The following SDC4 variants were observed in gnomAD, a reference collection of about 807,000 sequenced individuals.
SDC4 encodes syndecan 4.
Under a neutral mutation model 20.5 loss-of-function variants are expected in SDC4, and 17 were observed. That is an observed-to-expected ratio of 0.83 (90% CI 0.57 to 1.25). The LOEUF (loss-of-function observed/expected upper bound fraction) is 1.25. Among genes scored for constraint, SDC4 ranks in the 50% most tolerant of loss-of-function variants. The pLI, the probability that SDC4 is intolerant of heterozygous loss-of-function variation, is 0.00. For missense variants in SDC4, 241 were observed against 252.3 expected, an observed-to-expected ratio of 0.96 and a Z score of 0.30; for synonymous variants, 107 against 105.3, an observed-to-expected ratio of 1.02 and a Z score of -0.10.
At chr20:45,347,422 C>G (rs1178387412) in intron 1 of SDC4, among the ~76,000 whole-genome samples, 1 of 152,118 alleles carries the variant, frequency 6.6e-6, no homozygotes, top group Non-Finnish European at 1.5e-5. Flanking sequence ...CCTAAGCCGG[C>G]TGCGGGCATG....
chr20:45,336,224 C>A (rs1391053531), intron 1 of SDC4, among the ~76,000 whole-genome samples: 1 of 152,166 alleles, frequency 6.6e-6, no homozygotes, highest in African/African-American at 2.4e-5. Context: ...ACCAGCCTGG[C>A]CAACATGGTG....
chr20:45,337,489 G>T (rs78905632), intron 1 of SDC4, among the ~76,000 whole-genome samples: 1,956 of 152,294 alleles, frequency 0.013, 45 homozygotes, highest in African/African-American at 0.045. Flanking sequence ...GCAGGGACTT[G>T]CCCAAGGTCA....
chr20:45,329,763 A>G (rs572534740), intron 4 of SDC4, among the ~76,000 whole-genome samples: 1 of 140,842 alleles, frequency 7.1e-6, no homozygotes, highest in South Asian at 2.2e-4. Flanking sequence ...GGGACAAAGC[A>G]TTCCTCACCG....
intron 2 of SDC4, among the ~76,000 whole-genome samples, chr20:45,335,247 G>A (rs1429363972): frequency 6.7e-6 from 1 of 149,186 alleles, no homozygotes; most frequent in Non-Finnish European, 1.5e-5. Context: ...GCATGATCTT[G>A]GCTCACTGCA....
intron 3 of SDC4, 68 bp downstream of exon 3, chr20:45,332,955 T>C: frequency 1.4e-6 from 2 of 1,447,316 alleles, no homozygotes; most frequent in Non-Finnish European, 1.9e-6. Context: ...GGCTGTATTT[T>C]CTGCCTCTCC....
rs766199534 is a variant in SDC4, at chr20:45,327,335, CCTT to C, written c.523_525del (p.Lys175del). 27 of 1,614,200 alleles carry C rather than the reference CCTT, an allele frequency of 1.7e-5. No individual in the cohort carries two copies. Among genetic ancestry groups the C allele is most frequent in the Middle Eastern group, 1.7e-4 (1 of 6,060 alleles). On this transcript the variant is annotated inframe_deletion, in exon 5 of 5. Coordinates refer to ENST00000372733, the MANE Select transcript of SDC4 (RefSeq NM_002999.4). ...TTGCCCAGGTCATAGCTGCCTTCAT[CCTT>C]CTTCTTCATACGGTACATGAGCAGT... is the stretch of plus-strand genomic sequence containing the variant.
chr20:45,335,721 C>T (rs1987852113), intron 2 of SDC4, 61 bp downstream of exon 2: 5 of 1,565,982 alleles, frequency 3.2e-6, no homozygotes, highest in Non-Finnish European at 4.4e-6. Context: ...ACCCTCCTGG[C>T]TGGTGAAGCC....
intron 1 of SDC4, among the ~76,000 whole-genome samples, chr20:45,342,108 A>C (rs1166168521): frequency 6.6e-6 from 1 of 152,164 alleles, no homozygotes; most frequent in Non-Finnish European, 1.5e-5. Context: ...GCAGATCCGA[A>C]ATCCCTGCTG....
In SDC4 at chr20:45,326,907, A is replaced by G. The variant is rs113235898; in HGVS notation, c.*357T>C. The G allele has an allele frequency of 3.7e-3, 645 of 173,944 alleles. 3 individuals carry two copies. Among genetic ancestry groups the G allele is most frequent in the Non-Finnish European group, 6.2e-3 (503 of 81,724 alleles). The allele number at this position is 173,944 out of a possible 1,614,324, so 10.8% of individuals were successfully genotyped here. A position where few individuals can be genotyped will look rare whatever the true frequency, so the allele number is the denominator to read the frequency against. On this transcript the variant is annotated 3_prime_UTR_variant, in exon 5 of 5. Coordinates refer to ENST00000372733, the MANE Select transcript of SDC4 (RefSeq NM_002999.4). ...AGGACCTCCAGCCAGGACTCCACACAACATCCGTTAGCCCCCTGGCTTCAG... is the reference window on the plus strand; with the variant it reads ...AGGACCTCCAGCCAGGACTCCACACGACATCCGTTAGCCCCCTGGCTTCAG...
intron 3 of SDC4, among the ~76,000 whole-genome samples, chr20:45,331,695 G>A (rs1987780219): frequency 6.6e-6 from 1 of 152,200 alleles, no homozygotes; most frequent in Non-Finnish European, 1.5e-5. Context: ...AGCATGCTAA[G>A]AGACACTCCC....
chr20:45,340,717 C>T (rs773848243), intron 1 of SDC4, among the ~76,000 whole-genome samples: 1 of 152,320 alleles, frequency 6.6e-6, no homozygotes, highest in Non-Finnish European at 1.5e-5. Flanking sequence ...ACACTTGACC[C>T]TTCTTTCAGG....
chr20:45,341,686 C>G (rs369772923), intron 1 of SDC4, among the ~76,000 whole-genome samples: 1 of 152,136 alleles, frequency 6.6e-6, no homozygotes, highest in Non-Finnish European at 1.5e-5. Flanking sequence ...CCTTCAAGGT[C>G]GGGTTACTCT....
chr20:45,342,545 G>A (rs1404524435), intron 1 of SDC4, among the ~76,000 whole-genome samples: 1 of 152,150 alleles, frequency 6.6e-6, no homozygotes, highest in Non-Finnish European at 1.5e-5. Context: ...CTCTTCTACT[G>A]TGCCAGAGAA....
chr20:45,347,221 T>C (rs1159040925), intron 1 of SDC4, among the ~76,000 whole-genome samples: 2 of 152,086 alleles, frequency 1.3e-5, no homozygotes, highest in African/African-American at 2.4e-5. Context: ...GCTAAGTAAA[T>C]TCAGAGGAAC....
At chr20:45,346,084 G>T (rs1988027493) in intron 1 of SDC4, among the ~76,000 whole-genome samples, 1 of 152,128 alleles carries the variant, frequency 6.6e-6, no homozygotes, top group African/African-American at 2.4e-5. Flanking sequence ...AGGACAAAAT[G>T]CACCAGATCT....
chr20:45,335,707 G>A (rs1987851844), intron 2 of SDC4, 75 bp downstream of exon 2: 1 of 1,502,402 alleles, frequency 6.7e-7, no homozygotes, highest in Non-Finnish European at 9.1e-7. Flanking sequence ...CTCAAGGCAT[G>A]GTCACCCTCC....
intron 2 of SDC4, among the ~76,000 whole-genome samples, chr20:45,335,395 G>A (rs1200497942): frequency 6.6e-6 from 1 of 151,706 alleles, no homozygotes; most frequent in Non-Finnish European, 1.5e-5. Context: ...GCCCAGGCTG[G>A]AACTTTTCCT....
chr20:45,331,047 C>T (rs1987769785), intron 3 of SDC4, among the ~76,000 whole-genome samples: 2 of 152,192 alleles, frequency 1.3e-5, no homozygotes, highest in Non-Finnish European at 2.9e-5. Context: ...ACTCTATGGA[C>T]TCACCCTGAA....
chr20:45,337,207 C>T (rs967399970), intron 1 of SDC4, among the ~76,000 whole-genome samples: 1 of 152,204 alleles, frequency 6.6e-6, no homozygotes, highest in Non-Finnish European at 1.5e-5. Flanking sequence ...CTTCTGGGCT[C>T]AGGCTTCTGT....
Sources: gnomAD v4.1 joint callset for allele counts (sites outside exome capture counted in the v4.1 genomes callset) on GRCh38, gnomAD v4.1.1 for gene constraint, MANE v1.5 for transcripts, NCBI Gene and HGNC (gene_info 2026-07-23, HGNC 2026-07-21) for gene names.